Variants in RNF126 observed in about 807,000 individuals in gnomAD.
RNF126 encodes the protein ring finger protein 126, also known as E3 ubiquitin-protein ligase RNF126.
Under a neutral mutation model 41.9 loss-of-function variants are expected in RNF126, and 20 were observed. The ratio of observed to expected loss-of-function variants is 0.48; its 90% CI spans 0.34 to 0.69. RNF126 has a LOEUF of 0.69. Among genes scored for constraint, RNF126 ranks in the 30% least tolerant of loss-of-function variants. The probability of loss-of-function intolerance (pLI) is 0.01; values close to 1 mark genes in which losing one functional copy is unlikely to be tolerated. For synonymous variants in RNF126, 239 were observed against 202.9 expected (o/e 1.18, Z -1.51); for missense variants, 433 against 460.6 (o/e 0.94, Z 0.55).
chr19:652,814 G>A lies in RNF126; in HGVS notation c.134+12C>T, dbSNP rs370588810. 3.7e-6 allele frequency: 6 copies of A among 1,611,956 alleles called. No homozygotes were observed. Among genetic ancestry groups the A allele is most frequent in the South Asian group, 2.2e-5 (2 of 90,760 alleles). On this transcript the variant is annotated intron_variant, in intron 2 of 8. Transcript: ENST00000292363. Reference sequence around the variant, plus strand: ...TGGCTCTTCCAGCCTCTTCAACAGGGGGCTGCATTACCTGGTCTCTTCCGG... The same window carrying A: ...TGGCTCTTCCAGCCTCTTCAACAGGAGGCTGCATTACCTGGTCTCTTCCGG...
intron 4 of RNF126, chr19:650,688 G>C (rs1214041467): frequency 1.3e-5 from 2 of 156,024 alleles, no homozygotes; most frequent in African/African-American, 2.4e-5. Flanking sequence ...TGCCTCCCGG[G>C]TTCAAGTGAT....
chr19:652,222 G>C lies in RNF126; in HGVS notation c.198+11C>G. ...GACACGATCGGGAAGCACGAGGGGC[G>C]GGCGACTCACCTCCAACGGTGGCCG... On this transcript the variant is annotated intron_variant, in intron 3 of 8. Transcript: ENST00000292363. The C allele has an allele frequency of 6.6e-7, 1 of 1,520,654 alleles. No individual in the cohort carries two copies. The highest frequency in any genetic ancestry group is 8.7e-7 in the Non-Finnish European group (1 of 1,143,992). The allele number at this position is 1,520,654 out of a possible 1,614,324, so 94.2% of individuals were successfully genotyped here.
chr19:650,505 C>G, intron 4 of RNF126: 1 of 472,572 alleles, frequency 2.1e-6, no homozygotes, highest in South Asian at 3.8e-5. Context: ...GCAGCCCCAA[C>G]CTGCTGGGCT....
intron 8 of RNF126, 36 bp from the exon 9 acceptor site, chr19:648,313 C>G (rs200861655): frequency 2.7e-6 from 3 of 1,116,786 alleles, no homozygotes; most frequent in Non-Finnish European, 3.3e-6. Flanking sequence ...GGAGAAGGGG[C>G]AGGTTAGAGG....
chr19:656,069 G>A (rs1417445363), intron 1 of RNF126, among the ~76,000 whole-genome samples: 3 of 152,128 alleles, frequency 2.0e-5, no homozygotes, highest in Non-Finnish European at 4.4e-5. Context: ...TGGCAGGGCT[G>A]AGGTGGGTTC....
At chr19:656,434 ACTTGAGGTTAGGAGTTCGAGAC>A (rs1023271852) in intron 1 of RNF126, among the ~76,000 whole-genome samples, 1 of 152,126 alleles carries the variant, frequency 6.6e-6, no homozygotes, top group African/African-American at 2.4e-5. Context: ...TGGGCAGATC[ACTTGAGGTTAGGAGTTCGAGAC>A]CAGCCAACAT....
chr19:655,201 G>A (rs1448616144), intron 1 of RNF126, among the ~76,000 whole-genome samples: 1 of 151,970 alleles, frequency 6.6e-6, no homozygotes, highest in Admixed American at 6.6e-5. Context: ...AGCTACTAAG[G>A]AGGGGGAGGA....
chr19:661,832 G>GGTGGGGA (rs2030816840), intron 1 of RNF126, among the ~76,000 whole-genome samples: 1 of 152,138 alleles, frequency 6.6e-6, no homozygotes, highest in African/African-American at 2.4e-5. Context: ...CTGGGCACAG[G>GGTGGGGA]GTGGGGAGTC....
At position 648,284 on chromosome 19, in the gene RNF126, G is replaced by T. The variant is rs372154325; in HGVS notation, c.787-7C>A. On this transcript the variant is annotated splice_polypyrimidine_tract_variant and splice_region_variant and intron_variant, in intron 8 of 8. Transcript: ENST00000292363. ...AGACGGGGCAGCTGTCGTGCTTTGTGGGGACAGAGGCAGGGACGGGAGAAG... is the reference window on the plus strand; with the variant it reads ...AGACGGGGCAGCTGTCGTGCTTTGTTGGGACAGAGGCAGGGACGGGAGAAG... The T allele has an allele frequency of 6.4e-7, 1 of 1,555,966 alleles. No individual in the cohort carries two copies. The highest frequency in any genetic ancestry group is 1.2e-5 in the South Asian group (1 of 84,620).
chr19:647,871 C>A lies in RNF126; in HGVS notation c.*257G>T, dbSNP rs995548466. The A allele has an allele frequency of 3.1e-6, 2 of 646,866 alleles. No homozygotes were observed. The highest frequency in any genetic ancestry group is 1.8e-5 in the African/African-American group (1 of 54,664). The allele number at this position is 646,866 out of a possible 1,614,324, so 40.1% of individuals were successfully genotyped here. A position where few individuals can be genotyped will look rare whatever the true frequency, so the allele number is the denominator to read the frequency against. ...ATTTAAAATTATAAAAATCTTTCCA[C>A]CGCTGAACGTTTAGAGGGTGAGGTT... On this transcript the variant is annotated 3_prime_UTR_variant, in exon 9 of 9. Coordinates refer to ENST00000292363, the MANE Select transcript of RNF126 (RefSeq NM_194460.3).
chr19:660,487 CCT>C (rs10601849), intron 1 of RNF126, among the ~76,000 whole-genome samples: 11,057 of 152,242 alleles, frequency 0.073, 1,146 homozygotes, highest in African/African-American at 0.23. Flanking sequence ...CAGTGCCGCC[CCT>C]GACTCAGCCG....
At position 648,439 on chromosome 19, in the gene RNF126, T is replaced by C; in HGVS notation, c.719A>G (p.Glu240Gly). Residue 240 changes from glutamate (E) to glycine (G), a missense_variant, in exon 8 of 9, where the codon GAG becomes GGG. Transcript: ENST00000292363. ...PVCKDDYALG[E>G]RVRQLPCNHL... is the part of the protein sequence containing the mutation. ...GTTGCAGGGCAGCTGCCGCACACGC[T>C]CACCCAGCGCGTAGTCGTCCTTGCA... 1 of 1,591,334 alleles carries C rather than the reference T, an allele frequency of 6.3e-7. No individual in the cohort carries two copies. The highest frequency in any genetic ancestry group is 8.5e-7 in the Non-Finnish European group (1 of 1,172,096).
intron 1 of RNF126, among the ~76,000 whole-genome samples, chr19:653,382 G>C (rs1399054381): frequency 6.6e-6 from 1 of 152,232 alleles, no homozygotes; most frequent in Non-Finnish European, 1.5e-5. Flanking sequence ...TAGAGCCAAG[G>C]ACAACACAAG....
chr19:654,578 G>T (rs970751307), intron 1 of RNF126, among the ~76,000 whole-genome samples: 29 of 150,144 alleles, frequency 1.9e-4, no homozygotes, highest in Middle Eastern at 6.8e-3. Flanking sequence ...GGGAGGCGGA[G>T]GTTGCAGTGA....
intron 4 of RNF126, 29 bp from the exon 5 acceptor site, chr19:650,325 G>A (rs2144757669): frequency 6.4e-7 from 1 of 1,562,198 alleles, no homozygotes; most frequent in Non-Finnish European, 8.7e-7. Context: ...GTCACGGGGT[G>A]AGGCCGCCCC....
chr19:662,918 G>A (rs1413043802), intron 1 of RNF126, 129 bp downstream of exon 1: 2 of 355,622 alleles, frequency 5.6e-6, no homozygotes, highest in Non-Finnish European at 4.8e-6. Context: ...GCGCTGCCCC[G>A]AGCCTCAGTT....
chr19:648,224 C>A lies in RNF126; in HGVS notation c.840G>T (p.Thr280=), dbSNP rs14218. ...TCACCCCAGTGAGGCCAGGGGGGTT[C>A]GTGGCCGTGTTCTGTCCCGTGAGGC... ...RKSLTGQNTA[T]NPPGLTGVSF... Residue 280 remains threonine (T), a synonymous_variant, in exon 9 of 9, where the codon ACG becomes ACT. Coordinates refer to ENST00000292363, the MANE Select transcript of RNF126 (RefSeq NM_194460.3). 6.3e-6 allele frequency: 10 copies of A among 1,599,654 alleles called. No homozygotes were observed. Among genetic ancestry groups the A allele is most frequent in the Non-Finnish European group, 8.5e-6 (10 of 1,173,448 alleles).
At chr19:653,769 G>A (rs2030436833) in intron 1 of RNF126, among the ~76,000 whole-genome samples, 1 of 152,304 alleles carries the variant, frequency 6.6e-6, no homozygotes, top group Non-Finnish European at 1.5e-5. Context: ...TAAATCAACT[G>A]CTCTCTATGA....
intron 1 of RNF126, among the ~76,000 whole-genome samples, chr19:662,311 G>A (rs1410608912): frequency 6.6e-6 from 1 of 152,224 alleles, no homozygotes; most frequent in Non-Finnish European, 1.5e-5. Context: ...CCCTAAACGA[G>A]CAGGAAGTAG....
Sources: allele counts gnomAD v4.1 joint callset (sites outside exome capture counted in the v4.1 genomes callset), GRCh38; gene constraint gnomAD v4.1.1; transcripts MANE v1.5; gene names NCBI Gene and HGNC (gene_info 2026-07-23, HGNC 2026-07-21).